The following CEP44 variants were observed in gnomAD, a reference collection of about 807,000 sequenced individuals.
The protein encoded by CEP44 is centrosomal protein of 44 kDa.
CEP44 carries 45 observed loss-of-function variants against 46.7 expected under a neutral mutation model. The ratio of observed to expected loss-of-function variants is 0.96; its 90% CI spans 0.76 to 1.24. The LOEUF (loss-of-function observed/expected upper bound fraction) is 1.24. Among genes scored for constraint, CEP44 ranks in the 50% most tolerant of loss-of-function variants. CEP44 has a pLI of 0.00. For missense variants in CEP44, 475 were observed against 459.7 expected (o/e 1.03, Z -0.30); for synonymous variants, 142 against 146.0 (o/e 0.97, Z 0.20).
chr4:174,315,789 C>T (rs1300376209), intron 9 of CEP44, among the ~76,000 whole-genome samples: 4 of 147,918 alleles, frequency 2.7e-5, no homozygotes, highest in Non-Finnish European at 5.9e-5. Flanking sequence ...TGCAGTGAGC[C>T]GAGATCGCGC....
chr4:174,300,716 C>A (rs1421477091), intron 3 of CEP44, among the ~76,000 whole-genome samples: 1 of 152,028 alleles, frequency 6.6e-6, no homozygotes, highest in African/African-American at 2.4e-5. Flanking sequence ...ACACACACAA[C>A]ACCCCCATCA....
chr4:174,296,364 C>T (rs1203308407), intron 1 of CEP44, among the ~76,000 whole-genome samples: 1 of 152,178 alleles, frequency 6.6e-6, no homozygotes, highest in Non-Finnish European at 1.5e-5. Flanking sequence ...TATTATGTCA[C>T]AATTTCCTCC....
Position 174,308,704 on chromosome 4 carries a change from A to AT in CEP44, c.525dup (p.Arg176SerfsTer5), listed in dbSNP as rs1442097105. Reference sequence around the variant, plus strand: ...CTCTATGCAGAAGAAAGCTGTGGTGATTCGTCACTTGTATAATGAAGATAA... The same window carrying AT: ...CTCTATGCAGAAGAAAGCTGTGGTGATTTCGTCACTTGTATAATGAAGATAA... On this transcript the variant is annotated frameshift_variant, in exon 7 of 12. Coordinates refer to ENST00000503780, the MANE Select transcript of CEP44 (RefSeq NM_001040157.3). LOFTEE classifies it high-confidence loss of function. 2.5e-6 allele frequency: 4 copies of AT among 1,604,156 alleles called. No individual in the cohort carries two copies. In the East Asian group the frequency reaches 6.7e-5, roughly 27 times the overall value.
chr4:174,298,876 G>A (rs1212719730), intron 2 of CEP44, among the ~76,000 whole-genome samples, 196 bp from the exon 3 acceptor site: 6 of 152,142 alleles, frequency 3.9e-5, no homozygotes, highest in Non-Finnish European at 7.4e-5. Flanking sequence ...ATGTAGGAGG[G>A]TAGGGGAGAC....
Position 174,318,093 on chromosome 4 carries a change from C to T in CEP44, c.*710C>T, listed in dbSNP as rs758544777. The stretch of plus-strand genomic sequence containing the variant: ...TTTTTTGGAGGGGGGGATGGAGTTT[C>T]GCTGTTGTTGCCCAGGCTGGAGTGC... On this transcript the variant is annotated 3_prime_UTR_variant, in exon 12 of 12. Transcript: ENST00000503780. The T allele has an allele frequency of 2.4e-5, 24 of 982,472 alleles. No individual in the cohort carries two copies. Among genetic ancestry groups the T allele is most frequent in the African/African-American group, 5.3e-5 (3 of 57,140 alleles). The allele number at this position is 982,472 out of a possible 1,614,324, so 60.9% of individuals were successfully genotyped here. A position where few individuals can be genotyped will look rare whatever the true frequency, so the allele number is the denominator to read the frequency against.
intron 4 of CEP44, among the ~76,000 whole-genome samples, chr4:174,302,771 C>G (rs979770949): frequency 6.6e-6 from 1 of 150,450 alleles, no homozygotes; most frequent in Non-Finnish European, 1.5e-5. Context: ...ACCCACTTAT[C>G]AAATGTAGTC....
chr4:174,325,297 G>A (rs1237836592), downstream of CEP44, among the ~76,000 whole-genome samples: 2 of 152,076 alleles, frequency 1.3e-5, no homozygotes, highest in Admixed American at 1.3e-4. This position sits in a 1 kb window ranked among gnomAD's most constrained non-coding sequence, Gnocchi z 4.4. Context: ...CATTAACAGT[G>A]TTTTTTAAGG....
In CEP44 at chr4:174,297,120, G is replaced by C. The variant is rs1168557835; in HGVS notation, c.-147-846G>C. On this transcript the variant is annotated intron_variant, in intron 1 of 11. Transcript: ENST00000503780. The surrounding 1 kb of genome is among the most constrained non-coding windows in gnomAD (Gnocchi z 4.3). ...TTATAAACAAAATGGATTTCTTATAGACAACATGTAGTTAGATCTTATTTT... is the reference window on the plus strand; with the variant it reads ...TTATAAACAAAATGGATTTCTTATACACAACATGTAGTTAGATCTTATTTT... 1.3e-5 allele frequency among the ~76,000 whole-genome samples: 2 copies of C among 151,848 alleles called. No individual in the cohort carries two copies. The highest frequency in any genetic ancestry group is 2.9e-5 in the Non-Finnish European group (2 of 67,954).
downstream of CEP44, among the ~76,000 whole-genome samples, chr4:174,321,680 A>T (rs904950145): frequency 6.6e-6 from 1 of 152,140 alleles, no homozygotes; most frequent in Non-Finnish European, 1.5e-5. Flanking sequence ...TTTTCTGAAG[A>T]TATGGAAAGC....
Position 174,317,342 on chromosome 4 carries a change from G to C in CEP44, c.1132G>C (p.Glu378Gln), listed in dbSNP as rs1286297148. ...KMERMKKMFE[E>Q]TAELLKCPNH... ...TTATTTATTATATTTCAGGTTTGAA[G>C]AAACTGCAGAGTTACTGAAATGTCC... The change falls in exon 12 of 12, where the codon GAA becomes CAA. Residue 378 changes from glutamate to glutamine, a missense_variant. Glu to Gln is a conservative substitution (Grantham distance 29, BLOSUM62 2). Transcript: ENST00000503780. 7 of 1,361,652 alleles carry C rather than the reference G, an allele frequency of 5.1e-6. No homozygotes were observed. The highest frequency in any genetic ancestry group is 6.9e-6 in the Non-Finnish European group (7 of 1,017,098). The allele number at this position is 1,361,652 out of a possible 1,614,324, so 84.3% of individuals were successfully genotyped here. A position where few individuals can be genotyped will look rare whatever the true frequency, so the allele number is the denominator to read the frequency against.
Position 174,331,505 on chromosome 4 carries a change from A to T in CEP44, c.1110A>T (p.Thr370=). ...AGAATTTTCCTGCATGGAGTGCTAC[A>T]TCCTCTTGTTCCAGTCTCAGCTGGC... Residue 370 remains threonine, a synonymous_variant, in exon 9 of 9, where the codon ACA becomes ACT. Transcript: ENST00000426172. The surrounding 1 kb of genome is among the most constrained non-coding windows in gnomAD (Gnocchi z 4.5). 7.1e-6 allele frequency: 11 copies of T among 1,551,484 alleles called. No individual in the cohort carries two copies. Among genetic ancestry groups the T allele is most frequent in the Non-Finnish European group, 9.6e-6 (11 of 1,146,904 alleles).
Position 174,331,761 on chromosome 4 carries a change from G to T in CEP44, c.*166G>T. Reference sequence around the variant, plus strand: ...GATGACTTTTTCCTTCCTGCTACATGGGTAACACTTAGTTGTTTGTCTAAT... The same window carrying T: ...GATGACTTTTTCCTTCCTGCTACATTGGTAACACTTAGTTGTTTGTCTAAT... On this transcript the variant is annotated 3_prime_UTR_variant, in exon 9 of 9. Transcript: ENST00000426172. This position sits in a 1 kb window ranked among gnomAD's most constrained non-coding sequence, Gnocchi z 4.5. 1.2e-6 allele frequency: 1 copy of T among 817,850 alleles called. No homozygotes were observed. The highest frequency in any genetic ancestry group is 1.8e-6 in the Non-Finnish European group (1 of 568,370). The allele number at this position is 817,850 out of a possible 1,614,324, so 50.7% of individuals were successfully genotyped here. A position where few individuals can be genotyped will look rare whatever the true frequency, so the allele number is the denominator to read the frequency against.
chr4:174,288,404 G>A lies in CEP44; in HGVS notation c.-148+4461G>A, dbSNP rs1454967215. Among the ~76,000 whole-genome samples, 1 of 152,106 alleles carries A rather than the reference G, an allele frequency of 6.6e-6. No individual in the cohort carries two copies. Among genetic ancestry groups the A allele is most frequent in the East Asian group, 1.9e-4 (1 of 5,176 alleles). On this transcript the variant is annotated intron_variant, in intron 1 of 11. Transcript: ENST00000503780. This position sits in a 1 kb window ranked among gnomAD's most constrained non-coding sequence, Gnocchi z 4.6. ...ATTTATTTTGCCTAACTGAAACTTTGTACCCTTTGAACAACAGCTTCCCAT... is the reference window on the plus strand; with the variant it reads ...ATTTATTTTGCCTAACTGAAACTTTATACCCTTTGAACAACAGCTTCCCAT...
chr4:174,308,699 T>C lies in CEP44; in HGVS notation c.518T>C (p.Val173Ala), dbSNP rs1740727132. Reference sequence around the variant, plus strand: ...TTTTTCTCTATGCAGAAGAAAGCTGTGGTGATTCGTCACTTGTATAATGAA... The same window carrying C: ...TTTTTCTCTATGCAGAAGAAAGCTGCGGTGATTCGTCACTTGTATAATGAA... Reference protein sequence around the residue: ...RFMTSGKKKAVVIRHLYNEDN... With the variant: ...RFMTSGKKKAAVIRHLYNEDN... The change falls in exon 7 of 12, where the codon GTG (valine) becomes GCG (alanine). Residue 173 changes from valine to alanine, a missense_variant. Transcript: ENST00000503780. 5 of 1,603,200 alleles carry C rather than the reference T, an allele frequency of 3.1e-6. No individual in the cohort carries two copies. Among genetic ancestry groups the C allele is most frequent in the Non-Finnish European group, 4.3e-6 (5 of 1,172,724 alleles).
At position 174,290,197 on chromosome 4, in the gene CEP44, T is replaced by A. The variant is rs1738031439; in HGVS notation, c.-148+6254T>A. Among the ~76,000 whole-genome samples the A allele has an allele frequency of 6.6e-6, 1 of 152,160 alleles. No homozygotes were observed. Among genetic ancestry groups the A allele is most frequent in the Non-Finnish European group, 1.5e-5 (1 of 68,000 alleles). On this transcript the variant is annotated intron_variant, in intron 1 of 11. Coordinates refer to ENST00000503780, the MANE Select transcript of CEP44 (RefSeq NM_001040157.3). This position sits in a 1 kb window ranked among gnomAD's most constrained non-coding sequence, Gnocchi z 4.3. Reference sequence around the variant, plus strand: ...AATTTATTGCTATAAACACTTCTCTTATTCTGCTTTTACTGCATCCTATAT... The same window carrying A: ...AATTTATTGCTATAAACACTTCTCTAATTCTGCTTTTACTGCATCCTATAT...
chr4:174,294,900 T>A (rs563612617), intron 1 of CEP44, among the ~76,000 whole-genome samples: 1 of 89,790 alleles, frequency 1.1e-5, no homozygotes, highest in African/African-American at 4.3e-5. Context: ...GCCGGGCAGA[T>A]GGGCTCCTCA....
upstream of CEP44, chr4:174,283,707 C>T: frequency 2.5e-6 from 1 of 396,746 alleles, no homozygotes; most frequent in Non-Finnish European, 4.4e-6. This position sits in a 1 kb window ranked among gnomAD's most constrained non-coding sequence, Gnocchi z 6.7. Context: ...AACGGAGACG[C>T]ATTTTTATTT....
rs1242194161 is a variant in CEP44 at position 174,312,202 on chromosome 4, TA to T, written c.961+1345del. 6.6e-6 allele frequency among the ~76,000 whole-genome samples: 1 copy of T among 152,226 alleles called. No individual in the cohort carries two copies. The highest frequency in any genetic ancestry group is 2.1e-4 in the South Asian group (1 of 4,826). ...AAGTTTGATTTTGCATGCTCAGGCT[TA>T]TTTTTTTTTAATGACATGATTATAG... On this transcript the variant is annotated intron_variant, in intron 9 of 11. Coordinates refer to ENST00000503780, the MANE Select transcript of CEP44 (RefSeq NM_001040157.3). The surrounding 1 kb of genome is among the most constrained non-coding windows in gnomAD (Gnocchi z 4.5).
chr4:174,318,690 CACTGTCAAATATA>C lies in CEP44; in HGVS notation c.*1309_*1321del. 3 of 639,330 alleles carry C rather than the reference CACTGTCAAATATA, an allele frequency of 4.7e-6. No homozygotes were observed. The highest frequency in any genetic ancestry group is 5.8e-6 in the Non-Finnish European group (3 of 515,270). The allele number at this position is 639,330 out of a possible 1,614,324, so 39.6% of individuals were successfully genotyped here. On this transcript the variant is annotated 3_prime_UTR_variant, in exon 12 of 12. Transcript: ENST00000503780. ...GGTATGTATGTATAATTCTATATTA[CACTGTCAAATATA>C]AAATATTGTTATATGAGTAGAAATC... is the stretch of plus-strand genomic sequence containing the variant.
Sources: gnomAD v4.1 joint callset for allele counts (sites outside exome capture counted in the v4.1 genomes callset) on GRCh38, gnomAD v4.1.1 for gene constraint, Gnocchi (gnomAD v3.1) non-coding constraint, MANE v1.5 for transcripts, NCBI Gene and HGNC (gene_info 2026-07-23, HGNC 2026-07-21) for gene names.